Variants in EZH2 observed in about 807,000 individuals in gnomAD.
EZH2 encodes enhancer of zeste 2 polycomb repressive complex 2 subunit.
A neutral mutation model predicts 98.4 loss-of-function variants in EZH2; 18 were observed. The observed-to-expected ratio is 0.18, with a 90% confidence interval of 0.13 to 0.27. The LOEUF is 0.27. EZH2 is among the 10% of genes least tolerant of loss of function. The pLI is 1.00. For missense variants in EZH2, 470 were observed against 935.1 expected, an observed-to-expected ratio of 0.50 and a Z score of 6.49; for synonymous variants, 338 against 312.3, an observed-to-expected ratio of 1.08 and a Z score of -0.87.
intron 1 of EZH2, among the ~76,000 whole-genome samples, chr7:148,863,765 A>G (rs1433070079): frequency 6.6e-6 from 1 of 152,228 alleles, no homozygotes; most frequent in Non-Finnish European, 1.5e-5. Flanking sequence ...TGCTAGAAGA[A>G]ACTTCTGTTG....
At chr7:148,808,869 A>G (rs1297695261) in intron 19 of EZH2, among the ~76,000 whole-genome samples, 1 of 152,210 alleles carries the variant, frequency 6.6e-6, no homozygotes, top group African/African-American at 2.4e-5. Context: ...ATTTTACTCT[A>G]TTTTAAAAAT....
intron 12 of EZH2, among the ~76,000 whole-genome samples, chr7:148,815,983 T>TA (rs998746423): frequency 6.6e-5 from 10 of 152,198 alleles, no homozygotes; most frequent in Non-Finnish European, 1.3e-4. Context: ...AACTTGACTT[T>TA]AAAAAAATTC....
At chr7:148,816,621 AAGGGCCTTG>A in intron 12 of EZH2, 54 bp downstream of exon 12, 1 of 1,246,540 alleles carries the variant, frequency 8.0e-7, no homozygotes, top group Non-Finnish European at 1.2e-6. Flanking sequence ...AGCCCTTAGG[AAGGGCCTTG>A]CCTGCAGTGT....
chr7:148,834,372 CACACACACACAT>C (rs989631261), intron 3 of EZH2, among the ~76,000 whole-genome samples: 4 of 147,318 alleles, frequency 2.7e-5, no homozygotes, highest in African/African-American at 1.1e-4. Flanking sequence ...CACACACACA[CACACACACACAT>C]ATTAAATGTT....
intron 1 of EZH2, among the ~76,000 whole-genome samples, chr7:148,875,131 A>G (rs1820002664): frequency 6.6e-6 from 1 of 152,228 alleles, no homozygotes; most frequent in Non-Finnish European, 1.5e-5. Flanking sequence ...TTTAATTAAA[A>G]AAAATTATCA....
Position 148,807,402 on chromosome 7 carries a change from T to C in EZH2, c.*244A>G, listed in dbSNP as rs1801757235. ...AACAAGGACAAGTTCAAGTATTCTT[T>C]ATTCAAAGTTGAAAAATGTACCATA... On this transcript the variant is annotated 3_prime_UTR_variant, in exon 20 of 20. Coordinates refer to ENST00000320356, the MANE Select transcript of EZH2 (RefSeq NM_004456.5). 2.0e-6 allele frequency: 1 copy of C among 496,120 alleles called. No homozygotes were observed. The highest frequency in any genetic ancestry group is 1.9e-5 in the African/African-American group (1 of 51,912). 30.7% of individuals were successfully genotyped at this position (496,120 alleles called of 1,614,324 possible). A position where few individuals can be genotyped will look rare whatever the true frequency, so the allele number is the denominator to read the frequency against.
rs1157236882 is a variant in EZH2 at position 148,843,583 on chromosome 7, G to GTT, written c.246+2885_246+2886dup. ...TCTACAACTACAAATGGGAGTATAAGTTTTTTTTTTTTTTTTTTTTTTTTT... is the reference window on the plus strand; with the variant it reads ...TCTACAACTACAAATGGGAGTATAAGTTTTTTTTTTTTTTTTTTTTTTTTTTT... On this transcript the variant is annotated intron_variant, in intron 3 of 19. Transcript: ENST00000320356. 4.9e-3 allele frequency among the ~76,000 whole-genome samples: 315 copies of GTT among 64,346 alleles called. 43 individuals carry two copies. Among genetic ancestry groups the GTT allele is most frequent in the Middle Eastern group, 0.012 (1 of 84 alleles). The allele number at this position is 64,346 out of a possible 152,430, so 42.2% of individuals were successfully genotyped here.
At chr7:148,846,308 T>C (rs372903796) in intron 3 of EZH2, among the ~76,000 whole-genome samples, 162 bp downstream of exon 3, 1 of 152,150 alleles carries the variant, frequency 6.6e-6, no homozygotes, top group Non-Finnish European at 1.5e-5. Flanking sequence ...TAGCTAATAG[T>C]GTGATCTACA....
chr7:148,839,585 G>GT lies in EZH2; in HGVS notation c.247-6836dup, dbSNP rs1476533060. ...AAAAAACTATTTTTTTTTGTTTTTT[G>GT]TTTTTTTGAGATTGAGTCTTGTGAT... On this transcript the variant is annotated intron_variant, in intron 3 of 19. Transcript: ENST00000320356. Among the ~76,000 whole-genome samples, 7 of 150,028 alleles carry GT rather than the reference G, an allele frequency of 4.7e-5. No homozygotes were observed. The East Asian group carries it at 5.9e-4, about 13-fold the overall frequency.
At chr7:148,836,539 T>C (rs1237134456) in intron 3 of EZH2, among the ~76,000 whole-genome samples, 4 of 152,050 alleles carry the variant, frequency 2.6e-5, no homozygotes, top group African/African-American at 9.7e-5. Flanking sequence ...TCACTCAGAG[T>C]AGTGAAAAGA....
intron 3 of EZH2, among the ~76,000 whole-genome samples, chr7:148,833,087 T>C (rs1290794335): frequency 6.6e-6 from 1 of 152,228 alleles, no homozygotes; most frequent in Non-Finnish European, 1.5e-5. Flanking sequence ...AGCTCATCCT[T>C]CATTTCTCTT....
At chr7:148,854,319 C>T (rs1009236398) in intron 1 of EZH2, among the ~76,000 whole-genome samples, 12 of 151,848 alleles carry the variant, frequency 7.9e-5, no homozygotes, top group African/African-American at 2.7e-4. Flanking sequence ...ACCTGTAGTC[C>T]CAGCTACTCG....
intron 4 of EZH2, among the ~76,000 whole-genome samples, chr7:148,832,188 C>T (rs775321872): frequency 1.9e-4 from 29 of 152,252 alleles, no homozygotes; most frequent in Admixed American, 3.3e-4. Flanking sequence ...TCCCTCAAGC[C>T]ATCCTTCCAC....
intron 3 of EZH2, among the ~76,000 whole-genome samples, chr7:148,844,989 A>G (rs1343178138): frequency 6.6e-6 from 1 of 152,094 alleles, no homozygotes; most frequent in Non-Finnish European, 1.5e-5. Context: ...CTCCTTCCTT[A>G]TCATGAAGAT....
chr7:148,830,085 C>G (rs1443728124), intron 4 of EZH2, among the ~76,000 whole-genome samples: 2 of 152,184 alleles, frequency 1.3e-5, no homozygotes, highest in African/African-American at 4.8e-5. Flanking sequence ...AAATAATGCA[C>G]TTAGTCTGTC....
At chr7:148,808,811 C>T (rs1802254585) in intron 19 of EZH2, among the ~76,000 whole-genome samples, 1 of 152,146 alleles carries the variant, frequency 6.6e-6, no homozygotes, top group Non-Finnish European at 1.5e-5. Context: ...AGGTCTAGGA[C>T]TCACCCAGCT....
intron 2 of EZH2, among the ~76,000 whole-genome samples, 192 bp from the exon 3 acceptor site, chr7:148,846,790 T>C (rs1023331095): frequency 2.0e-5 from 3 of 151,968 alleles, no homozygotes; most frequent in Admixed American, 2.0e-4. Context: ...GTTATTTTAT[T>C]GCAAGTGGTT....
At chr7:148,857,156 G>A (rs1256452858) in intron 1 of EZH2, among the ~76,000 whole-genome samples, 3 of 152,162 alleles carry the variant, frequency 2.0e-5, no homozygotes, top group Non-Finnish European at 4.4e-5. Context: ...CCGATAAGCC[G>A]AAATCAAAGG....
At chr7:148,835,995 C>G (rs1562987983) in intron 3 of EZH2, among the ~76,000 whole-genome samples, 1 of 152,206 alleles carries the variant, frequency 6.6e-6, no homozygotes, top group Non-Finnish European at 1.5e-5. Flanking sequence ...CGTACTACTT[C>G]CAGTCCCATA....
Sources: allele counts gnomAD v4.1 joint callset (sites outside exome capture counted in the v4.1 genomes callset), GRCh38; gene constraint gnomAD v4.1.1; transcripts MANE v1.5; gene names NCBI Gene and HGNC (gene_info 2026-07-23, HGNC 2026-07-21).